The following CAPN15 variants were observed in gnomAD, a reference collection of about 807,000 sequenced individuals.
CAPN15 encodes the protein calpain 15, also known as calpain-15.
CAPN15 carries 53 observed loss-of-function variants against 97.9 expected under a neutral mutation model. That is an observed-to-expected ratio of 0.54 (90% CI 0.43 to 0.68). The LOEUF (loss-of-function observed/expected upper bound fraction) is 0.68. Among genes scored for constraint, CAPN15 ranks in the 30% least tolerant of loss-of-function variants. The probability of loss-of-function intolerance (pLI) is 0.00; values close to 1 mark genes in which losing one functional copy is unlikely to be tolerated. For synonymous variants in CAPN15, 922 were observed against 722.5 expected (o/e 1.28, Z -4.43); for missense variants, 1,592 against 1,589.8 (o/e 1.00, Z -0.02).
chr16:545,980 G>A (rs1596344485), intron 3 of CAPN15, among the ~76,000 whole-genome samples: 1 of 152,334 alleles, frequency 6.6e-6, no homozygotes, highest in Non-Finnish European at 1.5e-5. Flanking sequence ...GCTGTCTACG[G>A]GCAGATTGCT....
chr16:550,371 G>A (rs1205072553), intron 7 of CAPN15, among the ~76,000 whole-genome samples: 2 of 152,226 alleles, frequency 1.3e-5, no homozygotes, highest in Non-Finnish European at 2.9e-5. Context: ...GCCTCCAGGG[G>A]ACCCAGGCCT....
intron 3 of CAPN15, among the ~76,000 whole-genome samples, chr16:544,613 C>G (rs1204606055): frequency 2.0e-5 from 3 of 152,036 alleles, no homozygotes; most frequent in Non-Finnish European, 4.4e-5. Flanking sequence ...GCGCGCGGGT[C>G]TTTTGTGCTG....
intron 1 of CAPN15, among the ~76,000 whole-genome samples, chr16:529,012 G>A (rs961256787): frequency 6.6e-6 from 1 of 152,154 alleles, no homozygotes; most frequent in Non-Finnish European, 1.5e-5. Context: ...CTGTGAAGTG[G>A]GGCAAGAGAA....
intron 3 of CAPN15, among the ~76,000 whole-genome samples, chr16:543,970 C>T (rs967784681): frequency 2.6e-5 from 4 of 151,892 alleles, no homozygotes; most frequent in African/African-American, 9.7e-5. Flanking sequence ...AGAGCCAGGG[C>T]AGCCTGCGGC....
rs1013354386 is a variant in CAPN15, at chr16:535,546, C to T, written c.-136-483C>T. On this transcript the variant is annotated intron_variant, in intron 2 of 13. Transcript: ENST00000219611. The surrounding 1 kb of genome is among the most constrained non-coding windows in gnomAD (Gnocchi z 6.2). ...TGAGGCTGGATCTAGGCCACCGCCC[C>T]GTTTAAAACTAGGGCATCGGCTCCC... Among the ~76,000 whole-genome samples, 9 of 152,154 alleles carry T rather than the reference C, an allele frequency of 5.9e-5. No homozygotes were observed. The highest frequency in any genetic ancestry group is 8.8e-5 in the Non-Finnish European group (6 of 68,008).
In CAPN15 at chr16:553,336, C is replaced by A; in HGVS notation, c.3084-3C>A. 1 of 1,600,260 alleles carries A rather than the reference C, an allele frequency of 6.2e-7. No homozygotes were observed. Among genetic ancestry groups the A allele is most frequent in the Non-Finnish European group, 8.5e-7 (1 of 1,172,242 alleles). On this transcript the variant is annotated splice_region_variant and splice_polypyrimidine_tract_variant and intron_variant, in intron 13 of 13. Transcript: ENST00000219611. ...ACAGGTCCTCACCGGTCCCCTCCCCCAGGCAGGTCCTGGTGATCTTGTCCC... is the reference window on the plus strand; with the variant it reads ...ACAGGTCCTCACCGGTCCCCTCCCCAAGGCAGGTCCTGGTGATCTTGTCCC...
At chr16:537,025 C>T (rs556514561) in intron 3 of CAPN15, 10 of 555,102 alleles carry the variant, frequency 1.8e-5, no homozygotes, top group Middle Eastern at 9.0e-4. Flanking sequence ...GGCGGTTCAG[C>T]GATACCATCT....
intron 1 of CAPN15, among the ~76,000 whole-genome samples, chr16:532,731 T>C (rs1346435227): frequency 6.6e-6 from 1 of 151,266 alleles, no homozygotes; most frequent in African/African-American, 2.4e-5. Context: ...CAGGCGCCTG[T>C]AGTCCCAGCT....
rs1194905953 is a variant in CAPN15 at position 554,555 on chromosome 16, C to T, written c.*1039C>T. The T allele has an allele frequency of 8.8e-6, 4 of 456,126 alleles. No individual in the cohort carries two copies. Among genetic ancestry groups the T allele is most frequent in the Non-Finnish European group, 1.8e-5 (4 of 226,748 alleles). The allele number at this position is 456,126 out of a possible 1,614,324, so 28.3% of individuals were successfully genotyped here. ...AGAGACTATTTTATCAATTGTCAGT[C>T]CCGTTCCTTTACCATAGGATTCTCC... On this transcript the variant is annotated 3_prime_UTR_variant, in exon 14 of 14. Coordinates refer to ENST00000219611, the MANE Select transcript of CAPN15 (RefSeq NM_005632.3).
intron 1 of CAPN15, among the ~76,000 whole-genome samples, chr16:532,552 C>T (rs1247132799): frequency 6.5e-5 from 9 of 138,798 alleles, no homozygotes; most frequent in Admixed American, 1.5e-4. Flanking sequence ...GATACCCTGT[C>T]TCAAAAAAAA....
rs1377026931 is a variant in CAPN15, at chr16:534,018, C to T, written c.-137+20C>T. ...CTTCAGGTGAGTTTGTTCCCAAGCC[C>T]TGCGGCTCGTTTATGGGTTTGCTTG... is the stretch of plus-strand genomic sequence containing the variant. On this transcript the variant is annotated intron_variant, in intron 2 of 13. Transcript: ENST00000219611. 39 of 984,070 alleles carry T rather than the reference C, an allele frequency of 4.0e-5. No individual in the cohort carries two copies. The highest frequency in any genetic ancestry group is 4.6e-5 in the Non-Finnish European group (38 of 828,782). The allele number at this position is 984,070 out of a possible 1,614,324, so 61.0% of individuals were successfully genotyped here. A position where few individuals can be genotyped will look rare whatever the true frequency, so the allele number is the denominator to read the frequency against.
Position 548,210 on chromosome 16 carries a change from C to T in CAPN15, c.1372C>T (p.His458Tyr). The T allele has an allele frequency of 6.5e-7, 1 of 1,548,582 alleles. No homozygotes were observed. Among genetic ancestry groups the T allele is most frequent in the Non-Finnish European group, 8.7e-7 (1 of 1,147,920 alleles). The change falls in exon 4 of 14, where the codon CAC becomes TAC. Residue 458 changes from histidine (H) to tyrosine (Y), a missense_variant. This residue lies in a region of CAPN15 where 883 missense variants were observed against 776.6 expected (regional missense o/e 1.14). Coordinates refer to ENST00000219611, the MANE Select transcript of CAPN15 (RefSeq NM_005632.3). ...AAPLRRRESMHVEQRRQTDEG... is the reference protein window; with the variant it reads ...AAPLRRRESMYVEQRRQTDEG... Reference sequence around the variant, plus strand: ...GCCCCTGAGGCGCAGGGAGAGCATGCACGTGGAGCAGCGGCGGCAGACAGA... The same window carrying T: ...GCCCCTGAGGCGCAGGGAGAGCATGTACGTGGAGCAGCGGCGGCAGACAGA...
At chr16:551,715 G>T in intron 9 of CAPN15, 51 bp downstream of exon 9, 2 of 1,574,928 alleles carry the variant, frequency 1.3e-6, no homozygotes, top group Non-Finnish European at 1.7e-6. Context: ...TCCTAGGGCC[G>T]AGTCCTTCTC....
chr16:542,005 T>C (rs911341937), intron 3 of CAPN15, among the ~76,000 whole-genome samples: 3 of 142,964 alleles, frequency 2.1e-5, no homozygotes, highest in Admixed American at 6.9e-5. Context: ...GGTGCGTGGA[T>C]GTGGGGCCAC....
In CAPN15 at chr16:554,369, TC is replaced by T; in HGVS notation, c.*856del. On this transcript the variant is annotated 3_prime_UTR_variant, in exon 14 of 14. Coordinates refer to ENST00000219611, the MANE Select transcript of CAPN15 (RefSeq NM_005632.3). ...TCTGCGTGCCCTCCTGGCCCCTCAC[TC>T]CCGGCAGCGGGCCGGCCTCGCCCCC... is the stretch of plus-strand genomic sequence containing the variant. The T allele has an allele frequency of 2.6e-6, 1 of 390,516 alleles. No individual in the cohort carries two copies. The highest frequency in any genetic ancestry group is 5.1e-6 in the Non-Finnish European group (1 of 196,496). 24.2% of individuals were successfully genotyped at this position (390,516 alleles called of 1,614,324 possible).
At chr16:534,093 G>C in intron 2 of CAPN15, 95 bp downstream of exon 2, 1 of 455,700 alleles carries the variant, frequency 2.2e-6, no homozygotes, top group Non-Finnish European at 2.6e-6. Flanking sequence ...CCACGGCTGG[G>C]GGGCCTCTCG....
At chr16:540,433 GTGC>G (rs2034038079) in intron 3 of CAPN15, 1 of 834,074 alleles carries the variant, frequency 1.2e-6, no homozygotes, top group Non-Finnish European at 1.4e-6. Context: ...CGTTCTCAGG[GTGC>G]CCCCTCCTTG....
At position 548,980 on chromosome 16, in the gene CAPN15, G is replaced by A. The variant is rs373155900; in HGVS notation, c.1450-13G>A. On this transcript the variant is annotated splice_polypyrimidine_tract_variant and intron_variant, in intron 4 of 13. Coordinates refer to ENST00000219611, the MANE Select transcript of CAPN15 (RefSeq NM_005632.3). ...CCCTGCCCAGCCTGAGCACATGGCC[G>A]TGGTCTCTGCAGAACAATGTGAGCT... 1.9e-5 allele frequency: 30 copies of A among 1,612,022 alleles called. No homozygotes were observed. Among genetic ancestry groups the A allele is most frequent in the Admixed American group, 1.3e-4 (8 of 59,992 alleles).
intron 3 of CAPN15, among the ~76,000 whole-genome samples, chr16:541,590 G>A (rs896792105): frequency 2.0e-5 from 3 of 152,222 alleles, no homozygotes; most frequent in African/African-American, 4.8e-5. Flanking sequence ...CACGTGTGCC[G>A]ACAACAGCTT....
Sources: allele counts gnomAD v4.1 joint callset (sites outside exome capture counted in the v4.1 genomes callset), GRCh38; gene constraint gnomAD v4.1.1; regional missense constraint gnomAD v4.1.1; non-coding constraint Gnocchi (gnomAD v3.1); transcripts MANE v1.5; gene names NCBI Gene and HGNC (gene_info 2026-07-23, HGNC 2026-07-21).